Variants in MGAM2 observed in about 807,000 individuals in gnomAD.
MGAM2 encodes maltase-glucoamylase 2 (putative), also known as probable maltase-glucoamylase 2.
A neutral mutation model predicts 96.1 loss-of-function variants in MGAM2; 98 were observed. That is an observed-to-expected ratio of 1.02 (90% CI 0.87 to 1.21). The LOEUF (loss-of-function observed/expected upper bound fraction) is 1.21. Ranked by LOEUF, MGAM2 falls within the 50% of genes most tolerant of loss-of-function variation. The pLI is 0.00. For synonymous variants in MGAM2, 749 were observed against 414.8 expected (o/e 1.81, Z -9.79); for missense variants, 2,055 against 1,182.4 (o/e 1.74, Z -10.82).
intron 7 of MGAM2, among the ~76,000 whole-genome samples, chr7:142,134,544 C>G (rs964177971): frequency 6.6e-6 from 1 of 152,106 alleles, no homozygotes; most frequent in Non-Finnish European, 1.5e-5. Flanking sequence ...CTTTTGACAG[C>G]TTTCATACTG....
At position 142,171,220 on chromosome 7, in the gene MGAM2, G is replaced by T. The variant is rs547264819; in HGVS notation, c.3183-52G>T. ...ACTAGACATTCCAAACACGTTCCAA[G>T]TAGCTCTGGCCAGTGGTCTCCAGCT... On this transcript the variant is annotated intron_variant, in intron 27 of 47. Coordinates refer to ENST00000477922, the MANE Select transcript of MGAM2 (RefSeq NM_001293626.2). The T allele has an allele frequency of 1.3e-5, 9 of 701,074 alleles. No individual in the cohort carries two copies. The African/African-American group carries it at 1.6e-4, about 12-fold the overall frequency. 43.4% of individuals were successfully genotyped at this position (701,074 alleles called of 1,614,324 possible). A position where few individuals can be genotyped will look rare whatever the true frequency, so the allele number is the denominator to read the frequency against.
intron 1 of MGAM2, among the ~76,000 whole-genome samples, chr7:142,113,720 AATACAGGTTGGATTGCCATCACATGTCAT>A (rs1381931177): frequency 1.3e-5 from 2 of 152,146 alleles, no homozygotes; most frequent in Non-Finnish European, 2.9e-5. Context: ...CTGGGCTAGA[AATACAGGTTGGATTGCCATCACATGTCAT>A]ATAAAGTCAC....
intron 27 of MGAM2, among the ~76,000 whole-genome samples, chr7:142,170,700 C>T (rs547596922): frequency 1.3e-3 from 205 of 152,222 alleles, no homozygotes; most frequent in African/African-American, 4.7e-3. Context: ...TTGTCATCTC[C>T]CATCTCTTGT....
In MGAM2 at chr7:142,221,840, A is replaced by C. The variant is rs1797941960; in HGVS notation, c.7329A>C (p.Ser2443=). The change falls in exon 48 of 48, where the codon TCA becomes TCC. Residue 2443 remains serine, a synonymous_variant. Transcript: ENST00000477922. Reference sequence around the variant, plus strand: ...CTGTTTCAAATCTCACAACAGCCTCAGTCACAATAACAGCCACTGGTCTAG... The same window carrying C: ...CTGTTTCAAATCTCACAACAGCCTCCGTCACAATAACAGCCACTGGTCTAG... ...HISVSNLTTA[S]VTITATGLDS... is the part of the protein sequence containing the mutation. The C allele has an allele frequency of 2.5e-6, 1 of 400,226 alleles. No individual in the cohort carries two copies. Among genetic ancestry groups the C allele is most frequent in the African/African-American group, 2.1e-5 (1 of 48,754 alleles). 24.8% of individuals were successfully genotyped at this position (400,226 alleles called of 1,614,324 possible).
At position 142,180,105 on chromosome 7, in the gene MGAM2, A is replaced by T. The variant is rs539336899; in HGVS notation, c.3817-3161A>T. Among the ~76,000 whole-genome samples the T allele has an allele frequency of 7.2e-5, 11 of 152,126 alleles. No individual in the cohort carries two copies. The East Asian group carries it at 1.2e-3, about 16-fold the overall frequency. On this transcript the variant is annotated intron_variant, in intron 32 of 47. Coordinates refer to ENST00000477922, the MANE Select transcript of MGAM2 (RefSeq NM_001293626.2). ...CTTGGGAGGTTGTGTGTTTCTAGGA[A>T]TTTATTCATTTCCTCTAGATTTTCT...
chr7:142,198,120 T>C lies in MGAM2; in HGVS notation c.4867-19T>C, dbSNP rs1428557409. The stretch of plus-strand genomic sequence containing the variant: ...ATTTTTTGAAATATTCATAATGACA[T>C]GTCAATTTTATGTTTCAGAGCACAT... On this transcript the variant is annotated intron_variant, in intron 42 of 47. Transcript: ENST00000477922. 5 of 701,606 alleles carry C rather than the reference T, an allele frequency of 7.1e-6. No homozygotes were observed. The highest frequency in any genetic ancestry group is 1.7e-5 in the African/African-American group (1 of 57,242). The allele number at this position is 701,606 out of a possible 1,614,324, so 43.5% of individuals were successfully genotyped here.
Position 142,140,864 on chromosome 7 carries a change from C to T in MGAM2, c.1149C>T (p.Val383=), listed in dbSNP as rs559141932. 18 of 702,962 alleles carry T rather than the reference C, an allele frequency of 2.6e-5. No individual in the cohort carries two copies. Among genetic ancestry groups the T allele is most frequent in the African/African-American group, 2.4e-4 (14 of 57,376 alleles). The allele number at this position is 702,962 out of a possible 1,614,324, so 43.5% of individuals were successfully genotyped here. Residue 383 remains valine, a synonymous_variant, in exon 11 of 48, where the codon GTC becomes GTT. Coordinates refer to ENST00000477922, the MANE Select transcript of MGAM2 (RefSeq NM_001293626.2). The stretch of plus-strand genomic sequence containing the variant: ...AGAAGGATTTCACTGTTGATGAAGT[C>T]GCTTACTCTGGTCTCCCAGATTTTG... ...DGKKDFTVDE[V]AYSGLPDFVK...
chr7:142,220,317 A>G lies in MGAM2; in HGVS notation c.5806A>G (p.Thr1936Ala), dbSNP rs896075216. The G allele has an allele frequency of 1.4e-6, 1 of 702,544 alleles. No individual in the cohort carries two copies. Among genetic ancestry groups the G allele is most frequent in the East Asian group, 2.7e-5 (1 of 37,266 alleles). The allele number at this position is 702,544 out of a possible 1,614,324, so 43.5% of individuals were successfully genotyped here. The part of the protein sequence containing the change: ...TNASTASTNA[T>A]VPITTTCFAT... ...TGCTAGTACTGCTAGCACTAATGCT[A>G]CTGTTCCTATCACAACCACATGTTT... Residue 1936 changes from threonine to alanine, a missense_variant, in exon 48 of 48, where the codon ACT (threonine) becomes GCT (alanine). Physicochemically the swap from Thr to Ala is moderately conservative, Grantham distance 58. Transcript: ENST00000477922.
In MGAM2 at chr7:142,215,158, G is replaced by A. The variant is rs1304934840; in HGVS notation, c.5188-3203G>A. On this transcript the variant is annotated intron_variant, in intron 46 of 47. Transcript: ENST00000477922. ...GAGTTCATGCCCTTTTCAGGCTCAT[G>A]GATGAAGCTGGAAACCATCACACTC... is the stretch of plus-strand genomic sequence containing the variant. 1.1e-4 allele frequency among the ~76,000 whole-genome samples: 16 copies of A among 152,242 alleles called. No individual in the cohort carries two copies. The East Asian group carries it at 2.9e-3, about 28-fold the overall frequency.
At chr7:142,125,605 T>C (rs999948058) in intron 3 of MGAM2, among the ~76,000 whole-genome samples, 1 of 152,154 alleles carries the variant, frequency 6.6e-6, no homozygotes, top group Non-Finnish European at 1.5e-5. Context: ...GACAGGAATG[T>C]CAATTAGATT....
At chr7:142,134,456 G>A (rs190579265) in intron 7 of MGAM2, among the ~76,000 whole-genome samples, 1 of 152,074 alleles carries the variant, frequency 6.6e-6, no homozygotes, top group Non-Finnish European at 1.5e-5. Flanking sequence ...AAATTACTAT[G>A]TCTTGGTTTA....
intron 32 of MGAM2, among the ~76,000 whole-genome samples, chr7:142,181,111 T>C (rs768284449): frequency 2.6e-5 from 4 of 152,228 alleles, no homozygotes; most frequent in Non-Finnish European, 4.4e-5. Context: ...GAAGATACTC[T>C]GACTTTTTGA....
At position 142,157,937 on chromosome 7, in the gene MGAM2, G is replaced by A; in HGVS notation, c.1924G>A (p.Asp642Asn). 1.4e-6 allele frequency: 1 copy of A among 702,762 alleles called. No homozygotes were observed. Among genetic ancestry groups the A allele is most frequent in the South Asian group, 1.5e-5 (1 of 67,562 alleles). 43.5% of individuals were successfully genotyped at this position (702,762 alleles called of 1,614,324 possible). The change falls in exon 18 of 48, where the codon GAC becomes AAC. Residue 642 changes from aspartate (D) to asparagine (N), a missense_variant and splice_region_variant. Physicochemically the swap from Asp to Asn is conservative, Grantham distance 23. Coordinates refer to ENST00000477922, the MANE Select transcript of MGAM2 (RefSeq NM_001293626.2). ...PRNHNGPGFR[D>N]QDPAAFGVDS... ...AGCCATTCCTTCCATTTTCTCCTAG[G>A]ACCAGGATCCCGCTGCCTTTGGTGT...
intron 6 of MGAM2, among the ~76,000 whole-genome samples, chr7:142,133,248 A>C (rs2129078104): frequency 7.0e-6 from 1 of 143,642 alleles, no homozygotes; most frequent in Non-Finnish European, 1.5e-5. Flanking sequence ...TTTTAATATA[A>C]AATATTTATA....
rs1274335767 is a variant in MGAM2 at position 142,186,010 on chromosome 7, T to G, written c.4009T>G (p.Phe1337Val). 1 of 703,682 alleles carries G rather than the reference T, an allele frequency of 1.4e-6. No homozygotes were observed. Among genetic ancestry groups the G allele is most frequent in the East Asian group, 2.7e-5 (1 of 37,282 alleles). 43.6% of individuals were successfully genotyped at this position (703,682 alleles called of 1,614,324 possible). A position where few individuals can be genotyped will look rare whatever the true frequency, so the allele number is the denominator to read the frequency against. Residue 1337 changes from phenylalanine to valine, a missense_variant, in exon 35 of 48, where the codon TTT becomes GTT. By Grantham distance (50) the Phe-to-Val change is conservative. Coordinates refer to ENST00000477922, the MANE Select transcript of MGAM2 (RefSeq NM_001293626.2). ...QVKLYRAYVAFPDFFRNSTAA... is the reference protein window; with the variant it reads ...QVKLYRAYVAVPDFFRNSTAA... ...ACAGCTTTACAGGGCCTACGTTGCC[T>G]TTCCTGACTTCTTTCGTAATAGCAC...
intron 32 of MGAM2, among the ~76,000 whole-genome samples, chr7:142,180,795 G>A (rs1002760980): frequency 2.6e-5 from 4 of 152,096 alleles, no homozygotes; most frequent in Admixed American, 2.6e-4. Context: ...TTGTCTTTGA[G>A]TTCTGAGATT....
chr7:142,142,902 T>C (rs73545361), intron 12 of MGAM2, among the ~76,000 whole-genome samples: 1,613 of 152,264 alleles, frequency 0.011, 30 homozygotes, highest in African/African-American at 0.035. Flanking sequence ...TCGCTCTAGG[T>C]TGAATGTTGC....
At chr7:142,174,485 G>A (rs1585187863) in intron 31 of MGAM2, among the ~76,000 whole-genome samples, 1 of 152,018 alleles carries the variant, frequency 6.6e-6, no homozygotes, top group East Asian at 1.9e-4. Context: ...TGTTGGTGGT[G>A]CATAGAAATG....
chr7:142,196,584 C>T lies in MGAM2; in HGVS notation c.4500C>T (p.Leu1500=). 1 of 722,818 alleles carries T rather than the reference C, an allele frequency of 1.4e-6. No individual in the cohort carries two copies. The highest frequency in any genetic ancestry group is 2.5e-6 in the Non-Finnish European group (1 of 393,272). The allele number at this position is 722,818 out of a possible 1,614,324, so 44.8% of individuals were successfully genotyped here. Residue 1500 remains leucine (L), a synonymous_variant, in exon 39 of 48, where the codon CTC becomes CTT. Coordinates refer to ENST00000477922, the MANE Select transcript of MGAM2 (RefSeq NM_001293626.2). ...TTGCAGGCATGATGGAGTTCAGTCT[C>T]TTTGGAATACCTTATGTAAGTCACA... ...KSIIGMMEFS[L]FGIPYTGADI...
Sources: gnomAD v4.1 joint callset for allele counts (sites outside exome capture counted in the v4.1 genomes callset) on GRCh38, gnomAD v4.1.1 for gene constraint, MANE v1.5 for transcripts, NCBI Gene and HGNC (gene_info 2026-07-23, HGNC 2026-07-21) for gene names.